The following ASIC2 variants were observed in gnomAD, a reference collection of about 807,000 sequenced individuals.
ASIC2 encodes the protein acid-sensing ion channel 2.
A neutral mutation model predicts 57.3 loss-of-function variants in ASIC2; 25 were observed. The observed-to-expected ratio is 0.44, with a 90% confidence interval of 0.32 to 0.61. ASIC2 has a LOEUF of 0.61. ASIC2 is among the 20% of genes least tolerant of loss of function. The pLI is 0.06. For synonymous variants in ASIC2, 319 were observed against 307.5 expected, an observed-to-expected ratio of 1.04 and a Z score of -0.39; for missense variants, 641 against 738.1, an observed-to-expected ratio of 0.87 and a Z score of 1.52.
At position 33,316,616 on chromosome 17, in the gene ASIC2, T is replaced by C. The variant is rs545502588; in HGVS notation, c.556-204549A>G. Among the ~76,000 whole-genome samples, 9 of 152,300 alleles carry C rather than the reference T, an allele frequency of 5.9e-5. No homozygotes were observed. In the East Asian group the frequency reaches 1.7e-3, roughly 29 times the overall value. ...TTCATGTTTTAAGAAAGCCTTTTCT[T>C]CCATCCTACTCAGTCTGTTAGCCCC... On this transcript the variant is annotated intron_variant, in intron 1 of 9. Transcript: ENST00000359872.
At chr17:33,158,113 T>A (rs1905059930) in intron 1 of ASIC2, among the ~76,000 whole-genome samples, 2 of 152,300 alleles carry the variant, frequency 1.3e-5, no homozygotes, top group South Asian at 4.1e-4. Flanking sequence ...CCTGTTTTAT[T>A]TTTTCTCCGT....
intron 1 of ASIC2, among the ~76,000 whole-genome samples, chr17:33,789,291 G>A (rs1049030843): frequency 6.6e-6 from 1 of 152,190 alleles, no homozygotes; most frequent in Non-Finnish European, 1.5e-5. Flanking sequence ...TCTCACAGGA[G>A]AAGGAACATT....
At chr17:33,273,313 A>G (rs769120626) in intron 1 of ASIC2, among the ~76,000 whole-genome samples, 2 of 152,224 alleles carry the variant, frequency 1.3e-5, no homozygotes, top group East Asian at 3.8e-4. Flanking sequence ...GTTTCTAACC[A>G]TGACTTATCG....
chr17:34,130,088 A>C (rs1911905425), intron 1 of ASIC2, among the ~76,000 whole-genome samples: 2 of 152,224 alleles, frequency 1.3e-5, no homozygotes, highest in African/African-American at 4.8e-5. Context: ...TCTTCAGGCT[A>C]TCTGTGGGGT....
At chr17:33,715,263 A>T (rs1597846907) in intron 1 of ASIC2, among the ~76,000 whole-genome samples, 1 of 152,118 alleles carries the variant, frequency 6.6e-6, no homozygotes, top group East Asian at 1.9e-4. Flanking sequence ...CAGCCTCACA[A>T]AATGCTAGGA....
chr17:33,879,346 C>T (rs1567743829), intron 1 of ASIC2, among the ~76,000 whole-genome samples: 1 of 152,224 alleles, frequency 6.6e-6, no homozygotes, highest in African/African-American at 2.4e-5. Flanking sequence ...CATCAGTGTG[C>T]TCTATTCAGA....
intron 1 of ASIC2, among the ~76,000 whole-genome samples, chr17:33,921,862 T>C (rs1462817772): frequency 1.3e-5 from 2 of 151,154 alleles, no homozygotes; most frequent in African/African-American, 4.9e-5. Context: ...GAAGGAGGAG[T>C]GAATATTATC....
chr17:33,578,993 T>C (rs868480392), intron 1 of ASIC2, among the ~76,000 whole-genome samples: 3 of 152,110 alleles, frequency 2.0e-5, no homozygotes, highest in East Asian at 1.9e-4. Context: ...GGTTATAGAA[T>C]GCAGGTTAAT....
intron 1 of ASIC2, among the ~76,000 whole-genome samples, chr17:33,244,068 G>A (rs1250294846): frequency 6.6e-6 from 1 of 152,190 alleles, no homozygotes; most frequent in East Asian, 1.9e-4. Flanking sequence ...ACATCGCTAG[G>A]CTAACTGTGG....
intron 1 of ASIC2, among the ~76,000 whole-genome samples, chr17:33,913,861 G>A (rs1249000388): frequency 2.0e-5 from 3 of 152,224 alleles, no homozygotes; most frequent in African/African-American, 4.8e-5. Flanking sequence ...ACTCGACTAA[G>A]TGTTTAATAC....
chr17:34,085,971 G>A (rs1910098815), intron 1 of ASIC2, among the ~76,000 whole-genome samples: 1 of 151,460 alleles, frequency 6.6e-6, no homozygotes, highest in Non-Finnish European at 1.5e-5. Flanking sequence ...CAATTTTGTT[G>A]ATCCTTTCAA....
chr17:33,102,223 T>G (rs1264581949), intron 2 of ASIC2, among the ~76,000 whole-genome samples: 1 of 152,162 alleles, frequency 6.6e-6, no homozygotes, highest in African/African-American at 2.4e-5. Context: ...CTCTCACACT[T>G]CATTTGTAGT....
intron 3 of ASIC2, among the ~76,000 whole-genome samples, chr17:33,046,555 G>T (rs549791389): frequency 5.3e-5 from 8 of 152,094 alleles, no homozygotes; most frequent in African/African-American, 1.9e-4. Context: ...TACAGGGGAA[G>T]CCTGCCCAGC....
At chr17:33,344,866 CT>C (rs1012603763) in intron 1 of ASIC2, among the ~76,000 whole-genome samples, 1 of 151,406 alleles carries the variant, frequency 6.6e-6, no homozygotes, top group African/African-American at 2.4e-5. Context: ...AACATTTACT[CT>C]TGAATGAATG....
intron 1 of ASIC2, among the ~76,000 whole-genome samples, chr17:33,652,928 G>A (rs1178991516): frequency 2.0e-5 from 3 of 152,200 alleles, no homozygotes; most frequent in Non-Finnish European, 2.9e-5. Flanking sequence ...GCCTGGTAAA[G>A]CTGAAAGGCA....
chr17:33,567,889 T>C (rs1042580037), intron 1 of ASIC2, among the ~76,000 whole-genome samples: 7 of 152,066 alleles, frequency 4.6e-5, no homozygotes, highest in Admixed American at 6.5e-5. Context: ...CCACTCTACA[T>C]AGCGCAAGTC....
intron 1 of ASIC2, among the ~76,000 whole-genome samples, chr17:34,085,123 C>G (rs1296996349): frequency 1.3e-5 from 2 of 152,186 alleles, no homozygotes; most frequent in Non-Finnish European, 2.9e-5. Flanking sequence ...TGCCAATTTT[C>G]AAAGGGAATG....
chr17:33,353,290 T>C (rs984174875), intron 1 of ASIC2, among the ~76,000 whole-genome samples: 1 of 152,156 alleles, frequency 6.6e-6, no homozygotes, highest in Admixed American at 6.5e-5. Context: ...GTGGGAACTT[T>C]TGACCCTCGA....
chr17:34,057,167 G>A (rs976410117), intron 1 of ASIC2, among the ~76,000 whole-genome samples: 13 of 145,360 alleles, frequency 8.9e-5, no homozygotes, highest in African/African-American at 3.5e-4. Flanking sequence ...AGACAAATAA[G>A]TCTATTTACA....
Sources: gnomAD v4.1 joint callset for allele counts (sites outside exome capture counted in the v4.1 genomes callset) on GRCh38, gnomAD v4.1.1 for gene constraint, MANE v1.5 for transcripts, NCBI Gene and HGNC (gene_info 2026-07-23, HGNC 2026-07-21) for gene names.